Variants in SLC25A27 observed in about 807,000 individuals in gnomAD.
SLC25A27 encodes solute carrier family 25 member 27, also known as mitochondrial uncoupling protein 4.
In SLC25A27, 35 loss-of-function variants were observed where a neutral mutation model predicts 49.1. That is an observed-to-expected ratio of 0.71 (90% CI 0.54 to 0.95). The LOEUF is 0.95. SLC25A27 is among the 40% of genes least tolerant of loss of function. The pLI is 0.00. For synonymous variants in SLC25A27, 144 were observed against 136.9 expected (o/e 1.05, Z -0.36); for missense variants, 339 against 397.1 (o/e 0.85, Z 1.24).
chr6:46,663,833 G>T (rs763348627), intron 4 of SLC25A27, among the ~76,000 whole-genome samples: 6 of 152,128 alleles, frequency 3.9e-5, no homozygotes, highest in Non-Finnish European at 8.8e-5. Context: ...TCATAGTCAA[G>T]TTCCTTACCC....
chr6:46,673,619 A>T (rs911147477), intron 8 of SLC25A27, among the ~76,000 whole-genome samples: 1 of 152,192 alleles, frequency 6.6e-6, no homozygotes, highest in Non-Finnish European at 1.5e-5. Flanking sequence ...TGTCATGTGT[A>T]GGCCTGTTAT....
At chr6:46,662,905 A>G (rs983719852) in intron 4 of SLC25A27, among the ~76,000 whole-genome samples, 1 of 152,178 alleles carries the variant, frequency 6.6e-6, no homozygotes, top group African/African-American at 2.4e-5. Context: ...GGCTGTCATG[A>G]TGGTTAACAT....
chr6:46,653,655 C>T lies in SLC25A27; in HGVS notation c.106+357C>T, dbSNP rs1229374125. The T allele has an allele frequency of 5.1e-6, 5 of 985,204 alleles. No individual in the cohort carries two copies. In the African/African-American group the frequency reaches 7.0e-5, roughly 14 times the overall value. The allele number at this position is 985,204 out of a possible 1,614,324, so 61.0% of individuals were successfully genotyped here. ...TGTTTTCCATCCTTACTGAGATCATCTCTGTGGTTTATAGTCTTACACAGC... is the reference window on the plus strand; with the variant it reads ...TGTTTTCCATCCTTACTGAGATCATTTCTGTGGTTTATAGTCTTACACAGC... On this transcript the variant is annotated intron_variant, in intron 1 of 8. Transcript: ENST00000371347.
intron 4 of SLC25A27, among the ~76,000 whole-genome samples, chr6:46,663,218 A>G (rs921919352): frequency 6.6e-6 from 1 of 152,132 alleles, no homozygotes; most frequent in African/African-American, 2.4e-5. Context: ...CTTTCCCAGA[A>G]AAAAGGTAAT....
intron 2 of SLC25A27, chr6:46,658,413 G>A (rs1763057008): frequency 2.9e-6 from 1 of 349,350 alleles, no homozygotes; most frequent in Non-Finnish European, 5.6e-6. Context: ...TGTTCATTGT[G>A]TTGTTTTACA....
In SLC25A27 at chr6:46,676,422, A is replaced by C. The variant is rs1763791162; in HGVS notation, c.940A>C (p.Ile314Leu). 1.9e-6 allele frequency: 3 copies of C among 1,614,042 alleles called. No homozygotes were observed. The highest frequency in any genetic ancestry group is 2.2e-5 in the East Asian group (1 of 44,870). Residue 314 changes from isoleucine (I) to leucine (L), a missense_variant, in exon 9 of 9, where the codon ATC becomes CTC. Transcript: ENST00000371347. ...GGTGTTCTGGCTTACTTATGAAAAAATCAGAGAGATGAGTGGAGTCAGTCC... is the reference window on the plus strand; with the variant it reads ...GGTGTTCTGGCTTACTTATGAAAAACTCAGAGAGATGAGTGGAGTCAGTCC... ...SMVFWLTYEK[I>L]REMSGVSPF
At position 46,668,560 on chromosome 6, in the gene SLC25A27, C is replaced by T. The variant is rs1452740111; in HGVS notation, c.620-149C>T. 7.6e-6 allele frequency: 4 copies of T among 528,492 alleles called. No individual in the cohort carries two copies. In the East Asian group the frequency reaches 1.2e-4, roughly 16 times the overall value. The allele number at this position is 528,492 out of a possible 1,614,324, so 32.7% of individuals were successfully genotyped here. Reference sequence around the variant, plus strand: ...TGTCTCTTCTTCTTTTTCTCTCCCTCTATCTGTAGCTGTGCTTTCCTTGAG... The same window carrying T: ...TGTCTCTTCTTCTTTTTCTCTCCCTTTATCTGTAGCTGTGCTTTCCTTGAG... On this transcript the variant is annotated intron_variant, in intron 5 of 8. Coordinates refer to ENST00000371347, the MANE Select transcript of SLC25A27 (RefSeq NM_004277.5).
chr6:46,654,008 A>G lies in SLC25A27; in HGVS notation c.106+710A>G, dbSNP rs561821188. 8.6e-6 allele frequency: 6 copies of G among 699,532 alleles called. No homozygotes were observed. In the South Asian group the frequency reaches 3.2e-4, roughly 38 times the overall value. 43.3% of individuals were successfully genotyped at this position (699,532 alleles called of 1,614,324 possible). A position where few individuals can be genotyped will look rare whatever the true frequency, so the allele number is the denominator to read the frequency against. ...TGCTACTTGTTATAATGAAGATATT[A>G]TTAGGTGTCATAAAAGCATAGAAGA... On this transcript the variant is annotated intron_variant, in intron 1 of 8. Transcript: ENST00000371347.
Position 46,677,382 on chromosome 6 carries a change from G to C in SLC25A27, c.*928G>C, listed in dbSNP as rs916818208. 2 of 152,196 alleles carry C rather than the reference G, an allele frequency of 1.3e-5. No individual in the cohort carries two copies. The highest frequency in any genetic ancestry group is 4.8e-5 in the African/African-American group (2 of 41,452). The allele number at this position is 152,196 out of a possible 1,614,324, so 9.4% of individuals were successfully genotyped here. On this transcript the variant is annotated 3_prime_UTR_variant, in exon 9 of 9. Coordinates refer to ENST00000371347, the MANE Select transcript of SLC25A27 (RefSeq NM_004277.5). The stretch of plus-strand genomic sequence containing the variant: ...TGGTATTTTAAAAGCAAGGCAGATA[G>C]ATATGAAGTCAGCCAACTCTGACAT...
chr6:46,662,047 GAC>G (rs1251276048), intron 3 of SLC25A27, among the ~76,000 whole-genome samples: 1 of 152,144 alleles, frequency 6.6e-6, no homozygotes, highest in African/African-American at 2.4e-5. Context: ...CTGTTAGGCT[GAC>G]TACATCTATG....
chr6:46,675,389 G>A (rs906042342), intron 8 of SLC25A27, among the ~76,000 whole-genome samples: 8 of 151,982 alleles, frequency 5.3e-5, no homozygotes, highest in Non-Finnish European at 1.0e-4. Context: ...TGGTATCATC[G>A]TAGCTTTATA....
intron 1 of SLC25A27, chr6:46,654,073 G>A (rs1411135230): frequency 1.7e-5 from 17 of 982,256 alleles, no homozygotes; most frequent in Non-Finnish European, 1.9e-5. Context: ...AAAACTTTAA[G>A]AGGCCATCTA....
intron 5 of SLC25A27, among the ~76,000 whole-genome samples, chr6:46,666,999 T>C (rs977200967): frequency 2.0e-5 from 3 of 152,184 alleles, no homozygotes; most frequent in African/African-American, 7.2e-5. Flanking sequence ...ATTTATCCCC[T>C]CCTACTGGAC....
chr6:46,671,385 A>C lies in SLC25A27; in HGVS notation c.900+157A>C, dbSNP rs371161796. 7.9e-5 allele frequency among the ~76,000 whole-genome samples: 12 copies of C among 151,724 alleles called. No individual in the cohort carries two copies. In the East Asian group the frequency reaches 1.9e-3, roughly 24 times the overall value. On this transcript the variant is annotated intron_variant, in intron 8 of 8. Transcript: ENST00000371347. ...TTTAAATCTTCTTTTATTTCCTTTCACTTCTCCTCAGAGTTATCTTGCCTT... is the reference window on the plus strand; with the variant it reads ...TTTAAATCTTCTTTTATTTCCTTTCCCTTCTCCTCAGAGTTATCTTGCCTT...
At chr6:46,658,266 A>T (rs2150634567) in intron 2 of SLC25A27, among the ~76,000 whole-genome samples, 1 of 152,350 alleles carries the variant, frequency 6.6e-6, no homozygotes, top group East Asian at 1.9e-4. Flanking sequence ...TATTTCATCA[A>T]CTTTCTAAAA....
rs1163038104 is a variant in SLC25A27 at position 46,677,719 on chromosome 6, T to C, written c.*1265T>C. The C allele has an allele frequency of 6.6e-6, 1 of 152,506 alleles. No homozygotes were observed. Among genetic ancestry groups the C allele is most frequent in the East Asian group, 1.9e-4 (1 of 5,184 alleles). The allele number at this position is 152,506 out of a possible 1,614,324, so 9.4% of individuals were successfully genotyped here. A position where few individuals can be genotyped will look rare whatever the true frequency, so the allele number is the denominator to read the frequency against. Reference sequence around the variant, plus strand: ...GGTTATGGATAAAGGCTGTAACTGTTAACACAGAAAAACATGAAAAGCTCA... The same window carrying C: ...GGTTATGGATAAAGGCTGTAACTGTCAACACAGAAAAACATGAAAAGCTCA... On this transcript the variant is annotated 3_prime_UTR_variant, in exon 9 of 9. Coordinates refer to ENST00000371347, the MANE Select transcript of SLC25A27 (RefSeq NM_004277.5).
At chr6:46,663,330 G>A (rs941279761) in intron 4 of SLC25A27, among the ~76,000 whole-genome samples, 2 of 152,098 alleles carry the variant, frequency 1.3e-5, no homozygotes, top group African/African-American at 2.4e-5. Context: ...CATCTTCACC[G>A]CTGACCACTG....
chr6:46,672,167 A>G (rs1763575706), intron 8 of SLC25A27, among the ~76,000 whole-genome samples: 1 of 152,100 alleles, frequency 6.6e-6, no homozygotes, highest in East Asian at 1.9e-4. Context: ...CTGAATTTAG[A>G]TTTGCAAAAT....
intron 1 of SLC25A27, among the ~76,000 whole-genome samples, chr6:46,655,464 A>G (rs1458220507): frequency 1.3e-5 from 2 of 151,460 alleles, no homozygotes; most frequent in African/African-American, 4.8e-5. Context: ...AATGACTAAC[A>G]GATATTAAAG....
Sources: allele counts gnomAD v4.1 joint callset (sites outside exome capture counted in the v4.1 genomes callset), GRCh38; gene constraint gnomAD v4.1.1; transcripts MANE v1.5; gene names NCBI Gene and HGNC (gene_info 2026-07-23, HGNC 2026-07-21).